ZNF610: variants seen among roughly 807,000 people sequenced by gnomAD.
The protein encoded by ZNF610 is zink finger protein.
ZNF610 carries 14 observed loss-of-function variants against 14.1 expected under a neutral mutation model. The ratio of observed to expected loss-of-function variants is 0.99; its 90% CI spans 0.65 to 1.55. ZNF610 has a LOEUF of 1.55. ZNF610 is among the 40% of genes most tolerant of loss of function. The probability of loss-of-function intolerance (pLI) is 0.00; values close to 1 mark genes in which losing one functional copy is unlikely to be tolerated. For missense variants in ZNF610, 530 were observed against 558.0 expected, an observed-to-expected ratio of 0.95 and a Z score of 0.51; for synonymous variants, 185 against 187.6, an observed-to-expected ratio of 0.99 and a Z score of 0.11.
chr19:52,343,822 G>T (rs577307109), intron 1 of ZNF610, among the ~76,000 whole-genome samples: 1 of 152,170 alleles, frequency 6.6e-6, no homozygotes, highest in Non-Finnish European at 1.5e-5. Context: ...ACGTCTCAGT[G>T]TAGGCTGCAG....
intron 3 of ZNF610, among the ~76,000 whole-genome samples, chr19:52,349,665 C>T (rs191586829): frequency 1.3e-3 from 195 of 151,946 alleles, no homozygotes; most frequent in Middle Eastern, 3.4e-3. Flanking sequence ...CTCCGCCTCC[C>T]GGGTTCAAGC....
intron 1 of ZNF610, chr19:52,345,416 C>G (rs1180191574): frequency 6.6e-6 from 1 of 152,124 alleles, no homozygotes; most frequent in Non-Finnish European, 1.5e-5. Flanking sequence ...GGAAACGAAC[C>G]TAGATCGTTG....
At chr19:52,356,093 G>A (rs1353035919) in intron 5 of ZNF610, among the ~76,000 whole-genome samples, 1 of 152,180 alleles carries the variant, frequency 6.6e-6, no homozygotes, top group Non-Finnish European at 1.5e-5. Context: ...GATCACACTC[G>A]TACCACCCAG....
intron 1 of ZNF610, among the ~76,000 whole-genome samples, chr19:52,338,162 T>G (rs916835017): frequency 2.6e-5 from 4 of 152,218 alleles, no homozygotes; most frequent in African/African-American, 9.6e-5. Flanking sequence ...ATGCTCCCAC[T>G]TCAGGTGCCA....
intron 5 of ZNF610, among the ~76,000 whole-genome samples, chr19:52,355,995 C>T (rs947888245): frequency 1.3e-5 from 2 of 152,142 alleles, no homozygotes; most frequent in African/African-American, 2.4e-5. Flanking sequence ...GTGGGTGGGG[C>T]TGACAGTTTC....
At chr19:52,348,160 A>C (rs1299035460) in intron 2 of ZNF610, 1 of 152,176 alleles carries the variant, frequency 6.6e-6, no homozygotes, top group East Asian at 1.9e-4. Flanking sequence ...TGGTTTATGT[A>C]AGTGCAGTCT....
upstream of ZNF610, among the ~76,000 whole-genome samples, chr19:52,332,314 T>C (rs1308069829): frequency 3.3e-5 from 5 of 152,220 alleles, no homozygotes; most frequent in African/African-American, 9.7e-5. The surrounding 1 kb of genome is among the most constrained non-coding windows in gnomAD (Gnocchi z 4.1). Flanking sequence ...GCGTAACCCA[T>C]GGTTTCCATA....
Position 52,354,386 on chromosome 19 carries a change from G to A in ZNF610, c.319+7G>A. On this transcript the variant is annotated splice_region_variant and intron_variant, in intron 5 of 5. Coordinates refer to ENST00000403906, the MANE Select transcript of ZNF610 (RefSeq NM_001161425.2). ...GTCAGAAGCGTGAACACAGGTAAGA[G>A]CTCTGATGGGCAGTGTGGAGGCCAT... is the stretch of plus-strand genomic sequence containing the variant. 1 of 1,613,632 alleles carries A rather than the reference G, an allele frequency of 6.2e-7. No individual in the cohort carries two copies. The highest frequency in any genetic ancestry group is 2.2e-5 in the East Asian group (1 of 44,860).
In ZNF610 at chr19:52,367,648, A is replaced by G. The variant is rs999741433; in HGVS notation, c.*881A>G. 6 of 152,182 alleles carry G rather than the reference A, an allele frequency of 3.9e-5. No homozygotes were observed. The highest frequency in any genetic ancestry group is 1.4e-4 in the African/African-American group (6 of 41,420). 9.4% of individuals were successfully genotyped at this position (152,182 alleles called of 1,614,324 possible). A position where few individuals can be genotyped will look rare whatever the true frequency, so the allele number is the denominator to read the frequency against. On this transcript the variant is annotated 3_prime_UTR_variant, in exon 6 of 6. Coordinates refer to ENST00000403906, the MANE Select transcript of ZNF610 (RefSeq NM_001161425.2). ...AGTATGATGTTGAGTAATTACACTT[A>G]GTACTTGAGTTAGTTTCTCTGTACT...
chr19:52,357,941 T>A (rs1985609945), intron 5 of ZNF610, among the ~76,000 whole-genome samples: 1 of 152,168 alleles, frequency 6.6e-6, no homozygotes, highest in South Asian at 2.1e-4. Context: ...GGCATGTGTG[T>A]GAGTTCCTGC....
intron 5 of ZNF610, among the ~76,000 whole-genome samples, chr19:52,358,470 CT>C (rs761084823): frequency 1.3e-4 from 20 of 152,368 alleles, no homozygotes; most frequent in Admixed American, 4.6e-4. Flanking sequence ...GCGTAAGCCA[CT>C]GCGCCTGGCC....
chr19:52,349,257 T>G (rs747645346), intron 3 of ZNF610, 22 bp downstream of exon 3: 3 of 1,606,736 alleles, frequency 1.9e-6, no homozygotes, highest in Non-Finnish European at 1.7e-6. Context: ...TTCTCGGTGG[T>G]TGGTTCTCTC....
At position 52,364,655 on chromosome 19, in the gene ZNF610, C is replaced by T. The variant is rs114435052; in HGVS notation, c.320-1043C>T. Among the ~76,000 whole-genome samples the T allele has an allele frequency of 2.8e-3, 420 of 152,278 alleles. 2 individuals are homozygous for T. The highest frequency in any genetic ancestry group is 9.6e-3 in the African/African-American group (401 of 41,574). ...TTGGCTCACTGCAACCTCCATGCCC[C>T]GCCTTCCCCCATGTGAGGTTCAAGT... On this transcript the variant is annotated intron_variant, in intron 5 of 5. Coordinates refer to ENST00000403906, the MANE Select transcript of ZNF610 (RefSeq NM_001161425.2).
intron 1 of ZNF610, among the ~76,000 whole-genome samples, chr19:52,347,426 G>A (rs371591248): frequency 6.6e-6 from 1 of 152,204 alleles, no homozygotes; most frequent in African/African-American, 2.4e-5. Context: ...TAATTTAGAA[G>A]TTTATAAAGT....
upstream of ZNF610, among the ~76,000 whole-genome samples, chr19:52,332,881 T>C (rs2122148288): frequency 6.6e-6 from 1 of 152,250 alleles, no homozygotes; most frequent in South Asian, 2.1e-4. The surrounding 1 kb of genome is among the most constrained non-coding windows in gnomAD (Gnocchi z 4.1). Flanking sequence ...TGAGGAGAAA[T>C]CTTAACATCA....
intron 1 of ZNF610, among the ~76,000 whole-genome samples, chr19:52,346,410 G>A (rs904796946): frequency 1.3e-5 from 2 of 151,902 alleles, no homozygotes; most frequent in African/African-American, 2.4e-5. Context: ...TGATCTGCCC[G>A]CCTCGGCCTC....
intron 1 of ZNF610, among the ~76,000 whole-genome samples, chr19:52,341,782 A>C (rs1282651644): frequency 6.6e-6 from 1 of 151,876 alleles, no homozygotes; most frequent in Non-Finnish European, 1.5e-5. Context: ...ATGCACCACT[A>C]TGCCTGGCTA....
chr19:52,364,254 A>T (rs1048955236), intron 5 of ZNF610, among the ~76,000 whole-genome samples: 2 of 152,236 alleles, frequency 1.3e-5, no homozygotes, highest in African/African-American at 4.8e-5. Context: ...CAAATTACAA[A>T]TGAAAAGTAC....
chr19:52,336,297 T>TC lies in ZNF610; in HGVS notation c.-464dup. ...AAGGTCACACCGCAGCGCGTCAGTT[T>TC]CCCTTTGTTTAGATTCAATCTGGGC... On this transcript the variant is annotated 5_prime_UTR_variant, in exon 1 of 6. Coordinates refer to ENST00000403906, the MANE Select transcript of ZNF610 (RefSeq NM_001161425.2). 1 of 283,008 alleles carries TC rather than the reference T, an allele frequency of 3.5e-6. No individual in the cohort carries two copies. The highest frequency in any genetic ancestry group is 6.7e-6 in the Non-Finnish European group (1 of 149,580). 17.5% of individuals were successfully genotyped at this position (283,008 alleles called of 1,614,324 possible).
Sources: gnomAD v4.1 joint callset for allele counts (sites outside exome capture counted in the v4.1 genomes callset) on GRCh38, gnomAD v4.1.1 for gene constraint, Gnocchi (gnomAD v3.1) non-coding constraint, MANE v1.5 for transcripts, NCBI Gene and HGNC (gene_info 2026-07-23, HGNC 2026-07-21) for gene names.